Variants in RALYL observed in about 807,000 individuals in gnomAD.
RALYL encodes RALY RNA binding protein like.
In RALYL, 29 loss-of-function variants were observed where a neutral mutation model predicts 35.1. The ratio of observed to expected loss-of-function variants is 0.83; its 90% CI spans 0.61 to 1.13. The LOEUF (loss-of-function observed/expected upper bound fraction) is 1.13, where lower values mean the gene tolerates loss of function less well. Ranked by LOEUF, RALYL falls within the 50% of genes most tolerant of loss-of-function variation. The pLI is 0.00. For missense variants in RALYL, 359 were observed against 360.4 expected, an observed-to-expected ratio of 1.00 and a Z score of 0.03; for synonymous variants, 120 against 127.6, an observed-to-expected ratio of 0.94 and a Z score of 0.40.
chr8:84,876,734 A>C (rs895028295), intron 7 of RALYL, among the ~76,000 whole-genome samples: 4 of 152,198 alleles, frequency 2.6e-5, no homozygotes, highest in African/African-American at 9.6e-5. Context: ...TGAGCAGCCA[A>C]GTCTGACTGG....
intron 1 of RALYL, among the ~76,000 whole-genome samples, chr8:84,313,130 C>G (rs1386253269): frequency 6.6e-6 from 1 of 152,192 alleles, no homozygotes; most frequent in Non-Finnish European, 1.5e-5. Context: ...GAAGCAACAG[C>G]CCGAGCTGTA....
intron 1 of RALYL, among the ~76,000 whole-genome samples, chr8:84,217,006 A>G (rs1160829086): frequency 1.3e-5 from 2 of 152,162 alleles, no homozygotes; most frequent in African/African-American, 4.8e-5. Flanking sequence ...TGCTGCTAGC[A>G]TAGATCAACT....
chr8:84,474,804 A>C, intron 1 of RALYL, among the ~76,000 whole-genome samples: 1 of 152,066 alleles, frequency 6.6e-6, no homozygotes, highest in East Asian at 1.9e-4. Flanking sequence ...AACACACTGT[A>C]CTCTGATGTC....
chr8:84,775,563 G>A lies in RALYL; in HGVS notation c.332+909G>A, dbSNP rs573604728. On this transcript the variant is annotated intron_variant, in intron 3 of 8. Coordinates refer to ENST00000521268, the MANE Select transcript of RALYL (RefSeq NM_173848.7). ...AAATATAGTCCTTCTCTTCTCCAGAGAGACAGATCCAATTCCTTTAACCTT... is the reference window on the plus strand; with the variant it reads ...AAATATAGTCCTTCTCTTCTCCAGAAAGACAGATCCAATTCCTTTAACCTT... 5.9e-5 allele frequency among the ~76,000 whole-genome samples: 9 copies of A among 152,256 alleles called. No individual in the cohort carries two copies. The South Asian group carries it at 1.7e-3, about 28-fold the overall frequency.
chr8:84,389,564 T>C (rs1860112624), intron 1 of RALYL, among the ~76,000 whole-genome samples: 1 of 150,976 alleles, frequency 6.6e-6, no homozygotes, highest in Non-Finnish European at 1.5e-5. Context: ...TTCACATCCC[T>C]TGTAAGTTGG....
intron 1 of RALYL, among the ~76,000 whole-genome samples, chr8:84,426,113 G>A (rs2046402347): frequency 6.6e-6 from 1 of 152,020 alleles, no homozygotes; most frequent in African/African-American, 2.4e-5. Context: ...TGTAATGTGT[G>A]TATTTAAGGT....
In RALYL at chr8:84,676,192, C is replaced by G. The variant is rs111953164; in HGVS notation, c.257-98387C>G. Among the ~76,000 whole-genome samples, 394 of 152,176 alleles carry G rather than the reference C, an allele frequency of 2.6e-3. 1 individual carries two copies. Among genetic ancestry groups the G allele is most frequent in the African/African-American group, 8.7e-3 (360 of 41,532 alleles). On this transcript the variant is annotated intron_variant, in intron 2 of 8. Coordinates refer to ENST00000521268, the MANE Select transcript of RALYL (RefSeq NM_173848.7). Reference sequence around the variant, plus strand: ...AGAATATTTTCTCTTTGGATTTTTTCTGATCCAAGTAATTGCAATTGCAAA... The same window carrying G: ...AGAATATTTTCTCTTTGGATTTTTTGTGATCCAAGTAATTGCAATTGCAAA...
At chr8:84,639,964 A>G (rs543264058) in intron 2 of RALYL, among the ~76,000 whole-genome samples, 1 of 152,122 alleles carries the variant, frequency 6.6e-6, no homozygotes, top group East Asian at 1.9e-4. Flanking sequence ...TAGCTGTCCA[A>G]AACACAAATA....
intron 2 of RALYL, among the ~76,000 whole-genome samples, chr8:84,648,793 G>C (rs1238555844): frequency 6.6e-6 from 1 of 150,474 alleles, no homozygotes; most frequent in Non-Finnish European, 1.5e-5. Flanking sequence ...ATATGTATGT[G>C]TATTATTTAT....
At chr8:84,830,568 T>C (rs1246752085) in intron 4 of RALYL, among the ~76,000 whole-genome samples, 1 of 152,104 alleles carries the variant, frequency 6.6e-6, no homozygotes, top group East Asian at 1.9e-4. Context: ...AAGTAAACAA[T>C]GATTGTACAA....
intron 2 of RALYL, among the ~76,000 whole-genome samples, chr8:84,680,120 G>A (rs1355998630): frequency 1.3e-5 from 2 of 151,932 alleles, no homozygotes; most frequent in African/African-American, 2.4e-5. Flanking sequence ...TTGTCCTTGC[G>A]ATAGTTTGCT....
chr8:84,439,974 T>C lies in RALYL; in HGVS notation c.-23-89325T>C, dbSNP rs1298763171. Among the ~76,000 whole-genome samples the C allele has an allele frequency of 2.0e-5, 3 of 152,134 alleles. No individual in the cohort carries two copies. The South Asian group carries it at 6.2e-4, about 31-fold the overall frequency. Reference sequence around the variant, plus strand: ...GCATAATGATATGTGCAGTTATAATTGGTTTCAGTAACAAAATTTAAGTCA... The same window carrying C: ...GCATAATGATATGTGCAGTTATAATCGGTTTCAGTAACAAAATTTAAGTCA... On this transcript the variant is annotated intron_variant, in intron 1 of 8. Coordinates refer to ENST00000521268, the MANE Select transcript of RALYL (RefSeq NM_173848.7).
At chr8:84,728,507 T>C (rs1022425180) in intron 2 of RALYL, among the ~76,000 whole-genome samples, 5 of 151,920 alleles carry the variant, frequency 3.3e-5, no homozygotes, top group African/African-American at 1.2e-4. Flanking sequence ...TTTTGTCTTT[T>C]GTTGCCATTG....
At chr8:84,263,435 T>C (rs1832681063) in intron 1 of RALYL, among the ~76,000 whole-genome samples, 1 of 152,172 alleles carries the variant, frequency 6.6e-6, no homozygotes, top group African/African-American at 2.4e-5. Context: ...GACAAGTTAC[T>C]TTCAGAATGA....
intron 1 of RALYL, among the ~76,000 whole-genome samples, chr8:84,411,807 A>G (rs2044131338): frequency 6.6e-6 from 1 of 151,980 alleles, no homozygotes; most frequent in Admixed American, 6.6e-5. Flanking sequence ...CTAATATCCA[A>G]AAATTACTGA....
intron 2 of RALYL, among the ~76,000 whole-genome samples, chr8:84,686,079 CAT>C (rs1374013359): frequency 9.2e-5 from 14 of 152,274 alleles, no homozygotes; most frequent in African/African-American, 2.4e-4. Context: ...GCATTCCCCA[CAT>C]GTTTCTCATG....
intron 2 of RALYL, among the ~76,000 whole-genome samples, chr8:84,648,149 C>A (rs1827896856): frequency 6.6e-6 from 1 of 152,018 alleles, no homozygotes; most frequent in Non-Finnish European, 1.5e-5. Context: ...ATTGCCGCTT[C>A]ATTCTGGCAA....
At chr8:84,543,534 C>T (rs557485650) in intron 2 of RALYL, among the ~76,000 whole-genome samples, 55 of 151,850 alleles carry the variant, frequency 3.6e-4, no homozygotes, top group Admixed American at 3.2e-3. Flanking sequence ...AAGTGGTTTC[C>T]TAGTATTTTC....
chr8:84,501,068 C>T (rs711034), intron 1 of RALYL, among the ~76,000 whole-genome samples: 138,554 of 152,156 alleles, frequency 0.91, 63,154 homozygotes, highest in East Asian at 1. Flanking sequence ...TCATCTATGG[C>T]GCCATTTACA....
Sources: gnomAD v4.1 joint callset for allele counts (sites outside exome capture counted in the v4.1 genomes callset) on GRCh38, gnomAD v4.1.1 for gene constraint, MANE v1.5 for transcripts, NCBI Gene and HGNC (gene_info 2026-07-23, HGNC 2026-07-21) for gene names.